NREP: variants seen among roughly 807,000 people sequenced by gnomAD.
The protein encoded by NREP is neuronal regeneration related protein.
In NREP, 5 loss-of-function variants were observed where a neutral mutation model predicts 8.6. The ratio of observed to expected loss-of-function variants is 0.58; its 90% CI spans 0.30 to 1.22. The LOEUF (loss-of-function observed/expected upper bound fraction) is 1.22. Among genes scored for constraint, NREP ranks in the 50% most tolerant of loss-of-function variants. NREP has a pLI of 0.07. For synonymous variants in NREP, 27 were observed against 28.0 expected (o/e 0.96, Z 0.11); for missense variants, 86 against 82.5 (o/e 1.04, Z -0.17).
intron 2 of NREP, among the ~76,000 whole-genome samples, chr5:111,939,055 A>AT (rs960173102): frequency 3.0e-4 from 45 of 152,014 alleles, no homozygotes; most frequent in South Asian, 6.2e-4. Context: ...TCACAGATAG[A>AT]TTTTTTGTTG....
intron 2 of NREP, among the ~76,000 whole-genome samples, chr5:111,752,089 T>C (rs1356786971): frequency 6.6e-6 from 1 of 152,212 alleles, no homozygotes; most frequent in African/African-American, 2.4e-5. Context: ...TTTAGAAGTA[T>C]ATTTTCCTAT....
chr5:111,946,458 A>G (rs1051430626), intron 2 of NREP, among the ~76,000 whole-genome samples: 26 of 152,148 alleles, frequency 1.7e-4, no homozygotes, highest in African/African-American at 6.3e-4. Context: ...AAACCAGAAA[A>G]TACAAAGTTT....
intron 1 of NREP, among the ~76,000 whole-genome samples, chr5:111,976,319 A>G (rs1385764983): frequency 6.6e-6 from 1 of 152,226 alleles, no homozygotes; most frequent in South Asian, 2.1e-4. Context: ...TTCTACAGCC[A>G]ACATTCCCCT....
intron 2 of NREP, among the ~76,000 whole-genome samples, chr5:111,870,826 G>A (rs1036258903): frequency 6.6e-6 from 1 of 152,174 alleles, no homozygotes; most frequent in South Asian, 2.1e-4. Flanking sequence ...GCCACCACTG[G>A]AAGCTAAGAA....
chr5:111,863,537 G>A (rs1208679289), intron 2 of NREP, among the ~76,000 whole-genome samples: 1 of 152,034 alleles, frequency 6.6e-6, no homozygotes, highest in Non-Finnish European at 1.5e-5. Flanking sequence ...AGAAAAGCAG[G>A]TCCAGGACCA....
chr5:111,971,529 T>C (rs574205245), intron 2 of NREP, among the ~76,000 whole-genome samples: 5 of 152,248 alleles, frequency 3.3e-5, no homozygotes, highest in South Asian at 2.1e-4. Context: ...AACAGACACA[T>C]AGACCAATGG....
At chr5:111,943,702 C>A (rs1045082496) in intron 2 of NREP, among the ~76,000 whole-genome samples, 1 of 152,068 alleles carries the variant, frequency 6.6e-6, no homozygotes, top group African/African-American at 2.4e-5. Flanking sequence ...ATAGGCTCTG[C>A]CCTCATGGAG....
chr5:111,911,444 G>A (rs1754909631), intron 2 of NREP, among the ~76,000 whole-genome samples: 2 of 152,100 alleles, frequency 1.3e-5, no homozygotes, highest in South Asian at 4.2e-4. Flanking sequence ...CATTAATTCT[G>A]CACTGCTATT....
At chr5:111,861,011 T>C (rs1475268404) in intron 2 of NREP, among the ~76,000 whole-genome samples, 1 of 152,214 alleles carries the variant, frequency 6.6e-6, no homozygotes, top group East Asian at 1.9e-4. Context: ...ATCTTAAAAT[T>C]GTAAAAACAA....
chr5:111,892,780 T>G (rs1392170167), intron 2 of NREP, among the ~76,000 whole-genome samples: 1 of 152,060 alleles, frequency 6.6e-6, no homozygotes, highest in African/African-American at 2.4e-5. Flanking sequence ...TCTGGAGACT[T>G]AGTGCCACAG....
chr5:111,881,718 C>A (rs1489492148), intron 2 of NREP, among the ~76,000 whole-genome samples: 2 of 152,212 alleles, frequency 1.3e-5, no homozygotes, highest in African/African-American at 2.4e-5. Context: ...CCCCGGCAAA[C>A]AGGGTCTGGA....
chr5:111,909,976 G>A lies in NREP; in HGVS notation c.135+65298C>T, dbSNP rs186897241. Reference sequence around the variant, plus strand: ...ATGCCTGGGCCACAGCTATACTTGTGATTTCTTTCTTTTCATGTAAAAGAC... The same window carrying A: ...ATGCCTGGGCCACAGCTATACTTGTAATTTCTTTCTTTTCATGTAAAAGAC... On this transcript the variant is annotated intron_variant, in intron 2 of 3. Coordinates refer to the NREP transcript ENST00000395634. Among the ~76,000 whole-genome samples, 113 of 152,168 alleles carry A rather than the reference G, an allele frequency of 7.4e-4. 1 individual carries two copies. Among genetic ancestry groups the A allele is most frequent in the African/African-American group, 2.6e-3 (107 of 41,564 alleles).
chr5:111,847,278 T>C (rs1753200244), intron 2 of NREP, among the ~76,000 whole-genome samples: 2 of 152,180 alleles, frequency 1.3e-5, no homozygotes, highest in African/African-American at 4.8e-5. Context: ...CTTCCTGTTA[T>C]ATCCTTTCAT....
At chr5:111,872,086 G>T (rs896570155) in intron 2 of NREP, among the ~76,000 whole-genome samples, 1 of 151,208 alleles carries the variant, frequency 6.6e-6, no homozygotes, top group Non-Finnish European at 1.5e-5. Context: ...ACATATATTT[G>T]AGACAGAGAG....
At chr5:111,846,407 A>G (rs1372467891) in intron 2 of NREP, 1 of 47,110 alleles carries the variant, frequency 2.1e-5, no homozygotes, top group African/African-American at 8.0e-5. Context: ...TGCTCCCTTT[A>G]CCTTTTTGTT....
intron 2 of NREP, among the ~76,000 whole-genome samples, chr5:111,794,596 T>C (rs781778297): frequency 4.6e-5 from 7 of 152,146 alleles, no homozygotes; most frequent in Admixed American, 4.6e-4. Context: ...TACAATATGA[T>C]TTCAACTACA....
At chr5:111,848,022 G>A (rs1753223270) in intron 2 of NREP, among the ~76,000 whole-genome samples, 2 of 152,138 alleles carry the variant, frequency 1.3e-5, no homozygotes, top group Admixed American at 1.3e-4. Flanking sequence ...ATGACCCTGA[G>A]CTTCAGTAAA....
At chr5:111,874,988 A>G (rs1233905948) in intron 2 of NREP, among the ~76,000 whole-genome samples, 3 of 152,162 alleles carry the variant, frequency 2.0e-5, no homozygotes, top group Admixed American at 6.5e-5. Context: ...ATTAAGAAAA[A>G]CAACCTTTCC....
intron 3 of NREP, 23 bp from the exon 4 acceptor site, chr5:111,731,069 C>T (rs776919469): frequency 6.8e-6 from 11 of 1,606,272 alleles, no homozygotes; most frequent in Non-Finnish European, 9.4e-6. Context: ...CAGACCCACA[C>T]ACAGACAGAC....
Sources: gnomAD v4.1 joint callset for allele counts (sites outside exome capture counted in the v4.1 genomes callset) on GRCh38, gnomAD v4.1.1 for gene constraint, MANE v1.5 for transcripts, NCBI Gene and HGNC (gene_info 2026-07-23, HGNC 2026-07-21) for gene names.